The following GRIK4 variants were observed in gnomAD, a reference collection of about 807,000 sequenced individuals.
GRIK4 encodes glutamate ionotropic receptor kainate type subunit 4.
A neutral mutation model predicts 104.9 loss-of-function variants in GRIK4; 40 were observed. The ratio of observed to expected loss-of-function variants is 0.38; its 90% CI spans 0.30 to 0.50. GRIK4 has a LOEUF of 0.50. Among genes scored for constraint, GRIK4 ranks in the 20% least tolerant of loss-of-function variants. GRIK4 has a pLI of 0.93. For missense variants in GRIK4, 1,047 were observed against 1,308.1 expected (o/e 0.80, Z 3.08); for synonymous variants, 485 against 524.9 (o/e 0.92, Z 1.04).
intron 8 of GRIK4, among the ~76,000 whole-genome samples, chr11:120,851,310 TG>T (rs1168774478): frequency 6.6e-6 from 1 of 152,216 alleles, no homozygotes; most frequent in Admixed American, 6.5e-5. Context: ...CTTGCTGTTC[TG>T]GGGCTCTGCA....
rs994659951 is a variant in GRIK4, at chr11:120,513,306, C to T, written c.-159+1419C>T. Among the ~76,000 whole-genome samples the T allele has an allele frequency of 2.0e-5, 3 of 152,106 alleles. No individual in the cohort carries two copies. The highest frequency in any genetic ancestry group is 1.9e-4 in the East Asian group (1 of 5,172). ...TCTAGGAGCACCGGGAAACTGCGGG[C>T]GTGGTATCTCCGGGGAGAGAGGCCG... On this transcript the variant is annotated intron_variant, in intron 1 of 20. Coordinates refer to ENST00000527524, the MANE Select transcript of GRIK4 (RefSeq NM_014619.5). The surrounding 1 kb of genome is among the most constrained non-coding windows in gnomAD (Gnocchi z 4.5).
chr11:120,950,040 G>A (rs1194764861), intron 14 of GRIK4, among the ~76,000 whole-genome samples: 1 of 152,170 alleles, frequency 6.6e-6, no homozygotes, highest in Non-Finnish European at 1.5e-5. Flanking sequence ...TGTCTTTTGG[G>A]AAGAAAGTGA....
chr11:120,864,592 AG>A (rs1213465515), intron 9 of GRIK4, among the ~76,000 whole-genome samples: 1 of 152,208 alleles, frequency 6.6e-6, no homozygotes, highest in African/African-American at 2.4e-5. Flanking sequence ...TCAAGAAAGG[AG>A]AAAAAAACAT....
chr11:120,848,435 G>A (rs926869622), intron 8 of GRIK4, among the ~76,000 whole-genome samples: 2 of 152,160 alleles, frequency 1.3e-5, no homozygotes, highest in Non-Finnish European at 2.9e-5. Context: ...CTTGGCTGGT[G>A]GGTATGTGGC....
At chr11:120,976,919 T>A (rs1162141107) in intron 19 of GRIK4, among the ~76,000 whole-genome samples, 1 of 152,198 alleles carries the variant, frequency 6.6e-6, no homozygotes, top group Non-Finnish European at 1.5e-5. Flanking sequence ...GGCTAGGACA[T>A]GAGTGTACCT....
chr11:120,937,100 C>T (rs893368545), intron 13 of GRIK4, among the ~76,000 whole-genome samples: 5 of 152,152 alleles, frequency 3.3e-5, no homozygotes, highest in East Asian at 1.9e-4. Flanking sequence ...TGCGGTGGCA[C>T]GATCTCAGCT....
intron 18 of GRIK4, among the ~76,000 whole-genome samples, chr11:120,965,333 A>T (rs1944364249): frequency 6.6e-6 from 1 of 152,150 alleles, no homozygotes; most frequent in Admixed American, 6.5e-5. Flanking sequence ...AGTTCTCTCT[A>T]AACCTGAAAT....
intron 3 of GRIK4, among the ~76,000 whole-genome samples, chr11:120,771,068 G>T (rs1951932195): frequency 6.6e-6 from 1 of 152,216 alleles, no homozygotes; most frequent in Admixed American, 6.5e-5. Context: ...CTTTGGAACT[G>T]GGTAATGGGT....
At chr11:120,800,072 T>C (rs1952594385) in intron 3 of GRIK4, among the ~76,000 whole-genome samples, 1 of 151,944 alleles carries the variant, frequency 6.6e-6, no homozygotes. Context: ...CAGGTTGGTC[T>C]CAAACTCACG....
At chr11:120,885,371 G>A (rs749022876) in intron 11 of GRIK4, among the ~76,000 whole-genome samples, 8 of 150,426 alleles carry the variant, frequency 5.3e-5, no homozygotes, top group Admixed American at 1.3e-4. Context: ...TGGGGTGTAG[G>A]CAACATAAAT....
intron 3 of GRIK4, among the ~76,000 whole-genome samples, chr11:120,724,296 A>C (rs890692350): frequency 6.6e-6 from 1 of 152,160 alleles, no homozygotes; most frequent in Non-Finnish European, 1.5e-5. Context: ...CTACAGGTGT[A>C]AGTCACAGCA....
chr11:120,900,129 G>A (rs1228188652), intron 12 of GRIK4, among the ~76,000 whole-genome samples: 1 of 152,232 alleles, frequency 6.6e-6, no homozygotes, highest in East Asian at 1.9e-4. Flanking sequence ...AAAGCCTTCA[G>A]GAAAGAAGGG....
intron 3 of GRIK4, among the ~76,000 whole-genome samples, chr11:120,700,678 C>T (rs2135332071): frequency 6.6e-6 from 1 of 152,272 alleles, no homozygotes; most frequent in African/African-American, 2.4e-5. Flanking sequence ...AGACTGGTCT[C>T]AAACTCCCGA....
chr11:120,687,509 C>T (rs1428617020), intron 3 of GRIK4, among the ~76,000 whole-genome samples: 1 of 151,948 alleles, frequency 6.6e-6, no homozygotes, highest in African/African-American at 2.4e-5. Flanking sequence ...TTTAGATCAC[C>T]TGTGAATCTG....
chr11:120,745,416 A>T (rs1373328310), intron 3 of GRIK4, among the ~76,000 whole-genome samples: 12 of 152,194 alleles, frequency 7.9e-5, no homozygotes, highest in Admixed American at 7.9e-4. Flanking sequence ...ACAGCTTTCC[A>T]TATCAGTTCA....
intron 13 of GRIK4, among the ~76,000 whole-genome samples, chr11:120,908,651 G>A (rs1942925820): frequency 6.6e-6 from 1 of 152,164 alleles, no homozygotes; most frequent in Non-Finnish European, 1.5e-5. Flanking sequence ...TTAGCTGCTG[G>A]TCATAGCTTT....
chr11:120,530,667 C>T (rs189381507), intron 1 of GRIK4, among the ~76,000 whole-genome samples: 9 of 152,258 alleles, frequency 5.9e-5, no homozygotes, highest in Non-Finnish European at 1.2e-4. Context: ...CGTTACAGGG[C>T]GGACTGGGTT....
chr11:120,602,828 C>A (rs1263547333), intron 1 of GRIK4, among the ~76,000 whole-genome samples: 2 of 152,150 alleles, frequency 1.3e-5, no homozygotes, highest in Admixed American at 1.3e-4. Context: ...TCAGCCTCCC[C>A]AGTAGCTGAG....
At chr11:120,714,850 T>C (rs1281641339) in intron 3 of GRIK4, among the ~76,000 whole-genome samples, 1 of 152,142 alleles carries the variant, frequency 6.6e-6, no homozygotes, top group Non-Finnish European at 1.5e-5. Flanking sequence ...ATAAAGGCTC[T>C]TAGGAGTCTT....
Sources: allele counts gnomAD v4.1 joint callset (sites outside exome capture counted in the v4.1 genomes callset), GRCh38; gene constraint gnomAD v4.1.1; non-coding constraint Gnocchi (gnomAD v3.1); transcripts MANE v1.5; gene names NCBI Gene and HGNC (gene_info 2026-07-23, HGNC 2026-07-21).